FBXL13: variants seen among roughly 807,000 people sequenced by gnomAD.
FBXL13 encodes the protein F-box and leucine rich repeat protein 13.
Under a neutral mutation model 83.6 loss-of-function variants are expected in FBXL13, and 67 were observed. That is an observed-to-expected ratio of 0.80 (90% CI 0.66 to 0.98). The LOEUF (loss-of-function observed/expected upper bound fraction) is 0.98, where lower values mean the gene tolerates loss of function less well. FBXL13 is among the 50% of genes least tolerant of loss of function. The pLI is 0.00. For missense variants in FBXL13, 822 were observed against 866.5 expected, an observed-to-expected ratio of 0.95 and a Z score of 0.64; for synonymous variants, 272 against 299.5, an observed-to-expected ratio of 0.91 and a Z score of 0.95.
intron 6 of FBXL13, among the ~76,000 whole-genome samples, chr7:103,022,434 C>G (rs527345347): frequency 3.7e-4 from 56 of 151,672 alleles, no homozygotes; most frequent in African/African-American, 1.2e-3. Context: ...ACATATGTAA[C>G]AAACCTGCAC....
chr7:102,844,492 G>A (rs1328302996), intron 17 of FBXL13, among the ~76,000 whole-genome samples: 1 of 152,194 alleles, frequency 6.6e-6, no homozygotes, highest in Non-Finnish European at 1.5e-5. Context: ...TAGAGTGGGA[G>A]AGAGAATGCC....
chr7:103,015,807 A>AAAAG (rs1792232932), intron 6 of FBXL13, among the ~76,000 whole-genome samples: 1 of 151,752 alleles, frequency 6.6e-6, no homozygotes, highest in Non-Finnish European at 1.5e-5. Flanking sequence ...CAAAAAAAAA[A>AAAAG]AAAAAGCAAT....
intron 8 of FBXL13, among the ~76,000 whole-genome samples, chr7:102,954,738 C>T (rs886418115): frequency 6.6e-6 from 1 of 151,990 alleles, no homozygotes; most frequent in African/African-American, 2.4e-5. Flanking sequence ...GAGGGGTTGC[C>T]ATCCTACTCA....
At chr7:102,883,341 T>C in exon 14 of FBXL13, 1 of 1,613,394 alleles carries the variant, frequency 6.2e-7, no homozygotes, top group Non-Finnish European at 8.5e-7. Context: ...AGTCAGTTGC[T>C]TCAAAGGTGA....
chr7:102,860,362 G>C (rs867053197), intron 16 of FBXL13, among the ~76,000 whole-genome samples: 6 of 152,172 alleles, frequency 3.9e-5, no homozygotes, highest in African/African-American at 1.2e-4. Context: ...AGAGGAAGGA[G>C]ATTTTGAATC....
intron 6 of FBXL13, among the ~76,000 whole-genome samples, chr7:102,984,988 T>C (rs1828768568): frequency 6.6e-6 from 1 of 152,250 alleles, no homozygotes; most frequent in African/African-American, 2.4e-5. Flanking sequence ...GCATCCTTTA[T>C]TTTTATTTGC....
At chr7:103,068,358 G>T (rs1024904811) in intron 1 of FBXL13, among the ~76,000 whole-genome samples, 3 of 152,122 alleles carry the variant, frequency 2.0e-5, no homozygotes, top group African/African-American at 7.2e-5. Context: ...AGTGGAAATG[G>T]GGAGCCAAGG....
chr7:103,041,177 A>G (rs1795648821), intron 2 of FBXL13, among the ~76,000 whole-genome samples: 1 of 152,222 alleles, frequency 6.6e-6, no homozygotes, highest in Non-Finnish European at 1.5e-5. Context: ...ACAAACTACC[A>G]TCAGAGAATA....
chr7:102,834,086 A>AAGGG (rs1562925844), intron 17 of FBXL13, among the ~76,000 whole-genome samples: 3 of 93,696 alleles, frequency 3.2e-5, no homozygotes, highest in African/African-American at 1.4e-4. Flanking sequence ...GGAAGGAAAG[A>AAGGG]AAAGAAAGAA....
intron 16 of FBXL13, among the ~76,000 whole-genome samples, chr7:102,871,454 C>T (rs1808524945): frequency 2.0e-5 from 3 of 151,870 alleles, no homozygotes; most frequent in Non-Finnish European, 2.9e-5. Flanking sequence ...GGTACAATCT[C>T]GGCTCACTGC....
chr7:103,058,674 G>A (rs1166811526), intron 1 of FBXL13, among the ~76,000 whole-genome samples: 1 of 152,162 alleles, frequency 6.6e-6, no homozygotes, highest in Non-Finnish European at 1.5e-5. Flanking sequence ...TCTGAGAATA[G>A]GGCCTAGAAA....
intron 16 of FBXL13, among the ~76,000 whole-genome samples, chr7:102,866,847 A>G (rs1807723095): frequency 6.6e-6 from 1 of 152,218 alleles, no homozygotes. Context: ...GCCTCCTATG[A>G]ACATCTTGCT....
intron 16 of FBXL13, among the ~76,000 whole-genome samples, chr7:102,867,491 T>C (rs75648413): frequency 0.029 from 4,391 of 151,194 alleles, 196 homozygotes; most frequent in East Asian, 0.16. Context: ...TGAGGAGCTG[T>C]AGGAGAGTCA....
chr7:102,942,152 A>G, intron 8 of FBXL13: 1 of 569,160 alleles, frequency 1.8e-6, no homozygotes. Flanking sequence ...TTCCTACATT[A>G]ATAAATATTT....
chr7:103,006,152 C>T (rs11974281), intron 6 of FBXL13, among the ~76,000 whole-genome samples: 1 of 152,128 alleles, frequency 6.6e-6, no homozygotes, highest in Non-Finnish European at 1.5e-5. Context: ...ATGATAGAAG[C>T]GGTGCCAGAT....
chr7:103,002,705 C>A (rs6963104), intron 6 of FBXL13, among the ~76,000 whole-genome samples: 69,190 of 152,082 alleles, frequency 0.45, 18,882 homozygotes, highest in Non-Finnish European at 0.61. Flanking sequence ...AGTTTTTCTA[C>A]TTCAGCAATT....
chr7:102,856,129 A>G (rs1358962996), intron 16 of FBXL13, among the ~76,000 whole-genome samples: 1 of 152,094 alleles, frequency 6.6e-6, no homozygotes, highest in East Asian at 1.9e-4. Flanking sequence ...CTTCTATGCA[A>G]CCTCATTCTT....
intron 16 of FBXL13, among the ~76,000 whole-genome samples, chr7:102,867,682 TATATATATATA>T (rs1400611411): frequency 1.2e-5 from 1 of 81,494 alleles, no homozygotes; most frequent in African/African-American, 8.2e-5. Context: ...TATATATATA[TATATATATATA>T]TATTTTTTTT....
intron 18 of FBXL13, among the ~76,000 whole-genome samples, chr7:102,828,941 T>C (rs1800186478): frequency 6.6e-6 from 1 of 152,142 alleles, no homozygotes; most frequent in Non-Finnish European, 1.5e-5. Flanking sequence ...CTCCCTTTTG[T>C]AGATTGTCAT....
Sources: gnomAD v4.1 joint callset for allele counts (sites outside exome capture counted in the v4.1 genomes callset) on GRCh38, gnomAD v4.1.1 for gene constraint, MANE v1.5 for transcripts, NCBI Gene and HGNC (gene_info 2026-07-23, HGNC 2026-07-21) for gene names.